HECW2: variants seen among roughly 807,000 people sequenced by gnomAD.
HECW2 encodes the protein E3 ubiquitin-protein ligase HECW2.
HECW2 carries 61 observed loss-of-function variants against 175.2 expected under a neutral mutation model. That is an observed-to-expected ratio of 0.35 (90% CI 0.28 to 0.43). HECW2 has a LOEUF of 0.43. HECW2 is among the 20% of genes least tolerant of loss of function. The probability of loss-of-function intolerance (pLI) is 1.00; values close to 1 mark genes in which losing one functional copy is unlikely to be tolerated. For synonymous variants in HECW2, 671 were observed against 731.0 expected, an observed-to-expected ratio of 0.92 and a Z score of 1.32; for missense variants, 1,524 against 2,000.5, an observed-to-expected ratio of 0.76 and a Z score of 4.54.
At chr2:196,413,839 A>G (rs966147640) in intron 2 of HECW2, among the ~76,000 whole-genome samples, 1 of 152,106 alleles carries the variant, frequency 6.6e-6, no homozygotes, top group African/African-American at 2.4e-5. Flanking sequence ...TACACTGCCC[A>G]CCCACACCAG....
intron 4 of HECW2, among the ~76,000 whole-genome samples, chr2:196,333,556 T>C (rs1480857388): frequency 2.0e-5 from 3 of 151,888 alleles, no homozygotes; most frequent in Admixed American, 2.0e-4. Flanking sequence ...TTCTATGTCA[T>C]AGGAGTCAGT....
At chr2:196,302,548 G>C (rs751321208) in intron 13 of HECW2, among the ~76,000 whole-genome samples, 11 of 152,178 alleles carry the variant, frequency 7.2e-5, no homozygotes, top group Non-Finnish European at 1.5e-4. Context: ...CTATCCATGA[G>C]GATGGAATGT....
intron 19 of HECW2, chr2:196,242,487 A>G: frequency 2.6e-6 from 1 of 386,028 alleles, no homozygotes; most frequent in South Asian, 2.9e-5. Flanking sequence ...AGTCGAAACT[A>G]ATATGAGTCA....
intron 4 of HECW2, among the ~76,000 whole-genome samples, chr2:196,331,819 A>G (rs1692372356): frequency 6.6e-6 from 1 of 152,222 alleles, no homozygotes; most frequent in African/African-American, 2.4e-5. Flanking sequence ...AAAACCAGGC[A>G]TTACCACTAG....
chr2:196,445,188 G>C lies in HECW2; in HGVS notation c.-35-11730C>G, dbSNP rs541312360. On this transcript the variant is annotated intron_variant, in intron 1 of 28. Coordinates refer to ENST00000644978, the MANE Select transcript of HECW2 (RefSeq NM_001348768.2). ...TCTCCTGCCAGACTATAAGCTTTTT[G>C]AGGACAAATTACTGTTTCTCTTACA... Among the ~76,000 whole-genome samples the C allele has an allele frequency of 6.2e-4, 94 of 152,286 alleles. No individual in the cohort carries two copies. In the Middle Eastern group the frequency reaches 0.01, roughly 17 times the overall value.
intron 2 of HECW2, among the ~76,000 whole-genome samples, chr2:196,377,893 A>C (rs1432803916): frequency 1.3e-5 from 2 of 152,218 alleles, no homozygotes; most frequent in Non-Finnish European, 2.9e-5. Context: ...AAAATACAAA[A>C]GAGAAAAAAA....
Position 196,447,148 on chromosome 2 carries a change from T to TA in HECW2, c.-35-13691dup, listed in dbSNP as rs755491660. On this transcript the variant is annotated intron_variant, in intron 1 of 28. Transcript: ENST00000644978. ...TTTAATTTTACTTCAAATACTGGGA[T>TA]AAAAAAAAATGCTTGGAATCTTTTC... Among the ~76,000 whole-genome samples the TA allele has an allele frequency of 3.1e-3, 476 of 151,302 alleles. 4 individuals carry two copies. Among genetic ancestry groups the TA allele is most frequent in the African/African-American group, 0.01 (414 of 41,304 alleles).
At chr2:196,496,430 T>C (rs1687396092) in intron 1 of HECW2, among the ~76,000 whole-genome samples, 1 of 152,142 alleles carries the variant, frequency 6.6e-6, no homozygotes, top group African/African-American at 2.4e-5. Flanking sequence ...ATAGTACATA[T>C]ATTTATACAT....
At chr2:196,550,175 T>C (rs1689562575) in intron 1 of HECW2, among the ~76,000 whole-genome samples, 1 of 152,232 alleles carries the variant, frequency 6.6e-6, no homozygotes, top group Non-Finnish European at 1.5e-5. Context: ...GGTTAACTTA[T>C]CTACCATCCA....
chr2:196,294,009 T>C (rs1206324263), intron 13 of HECW2, among the ~76,000 whole-genome samples: 1 of 152,204 alleles, frequency 6.6e-6, no homozygotes, highest in African/African-American at 2.4e-5. Flanking sequence ...GTGCCTGGGC[T>C]GTACATCTCA....
At chr2:196,260,748 C>G (rs1277386177) in intron 17 of HECW2, among the ~76,000 whole-genome samples, 2 of 152,180 alleles carry the variant, frequency 1.3e-5, no homozygotes, top group African/African-American at 2.4e-5. Context: ...TGTCACCAAT[C>G]TTTTCTGAGA....
chr2:196,271,170 C>A, intron 17 of HECW2, 23 bp downstream of exon 17: 1 of 1,395,078 alleles, frequency 7.2e-7, no homozygotes, highest in Admixed American at 1.7e-5. Flanking sequence ...GCAACTTGAA[C>A]CAAATACCAA....
intron 28 of HECW2, among the ~76,000 whole-genome samples, chr2:196,211,431 C>T (rs1687281464): frequency 6.6e-6 from 1 of 152,180 alleles, no homozygotes; most frequent in African/African-American, 2.4e-5. Flanking sequence ...GAAGTGCAGT[C>T]ATGTGCTCAG....
chr2:196,223,973 A>G (rs1182485127), intron 23 of HECW2, among the ~76,000 whole-genome samples: 4 of 152,336 alleles, frequency 2.6e-5, no homozygotes, highest in African/African-American at 9.6e-5. Context: ...ACTCATGTCA[A>G]AACTAACTGT....
intron 1 of HECW2, among the ~76,000 whole-genome samples, chr2:196,564,192 C>T (rs1338455066): frequency 6.6e-6 from 1 of 151,994 alleles, no homozygotes; most frequent in Non-Finnish European, 1.5e-5. Context: ...TATAGAACAT[C>T]CTATAACTGG....
At chr2:196,393,890 C>T (rs1694585170) in intron 2 of HECW2, among the ~76,000 whole-genome samples, 1 of 152,196 alleles carries the variant, frequency 6.6e-6, no homozygotes, top group South Asian at 2.1e-4. Flanking sequence ...ATAGCAAAGA[C>T]TTGGAACCAA....
intron 13 of HECW2, among the ~76,000 whole-genome samples, chr2:196,301,574 C>T (rs1691054234): frequency 6.6e-6 from 1 of 152,116 alleles, no homozygotes; most frequent in Non-Finnish European, 1.5e-5. Flanking sequence ...GCCATTCTGA[C>T]TGGCATGAGA....
intron 1 of HECW2, among the ~76,000 whole-genome samples, chr2:196,531,093 C>G (rs1430807322): frequency 2.0e-5 from 3 of 152,178 alleles, no homozygotes; most frequent in African/African-American, 7.2e-5. Context: ...TGACTTTCAG[C>G]TGTCATTTTA....
In HECW2 at chr2:196,546,835, A is replaced by AG. The variant is rs1453578766; in HGVS notation, c.-36+46672dup. ...AGAAGGACAGCAAAAAAAAAAAAAA[A>AG]GAGAGAAAGTAAAAACTGAAATTCT... On this transcript the variant is annotated intron_variant, in intron 1 of 28. Coordinates refer to ENST00000644978, the MANE Select transcript of HECW2 (RefSeq NM_001348768.2). 9.9e-5 allele frequency among the ~76,000 whole-genome samples: 15 copies of AG among 151,310 alleles called. No individual in the cohort carries two copies. In the South Asian group the frequency reaches 3.1e-3, roughly 32 times the overall value.
Sources: gnomAD v4.1 joint callset for allele counts (sites outside exome capture counted in the v4.1 genomes callset) on GRCh38, gnomAD v4.1.1 for gene constraint, MANE v1.5 for transcripts, NCBI Gene and HGNC (gene_info 2026-07-23, HGNC 2026-07-21) for gene names.